Variants in HSPG2 observed in about 807,000 individuals in gnomAD.
HSPG2 encodes heparan sulfate proteoglycan 2, also known as basement membrane-specific heparan sulfate proteoglycan core protein.
Under a neutral mutation model 526.6 loss-of-function variants are expected in HSPG2, and 278 were observed. That is an observed-to-expected ratio of 0.53 (90% CI 0.48 to 0.58). The LOEUF (loss-of-function observed/expected upper bound fraction) is 0.58. HSPG2 is among the 20% of genes least tolerant of loss of function. The probability of loss-of-function intolerance (pLI) is 0.00; values close to 1 mark genes in which losing one functional copy is unlikely to be tolerated. For synonymous variants in HSPG2, 2,465 were observed against 2,555.4 expected (o/e 0.96, Z 1.07); for missense variants, 5,354 against 6,099.5 (o/e 0.88, Z 4.07).
At chr1:21,846,029 C>G in intron 64 of HSPG2, 79 bp downstream of exon 64, 1 of 1,539,426 alleles carries the variant, frequency 6.5e-7, no homozygotes, top group Non-Finnish European at 9.0e-7. Context: ...GAAAGTGTTT[C>G]CTTCTGCCAG....
In HSPG2 at chr1:21,831,491, G is replaced by A; in HGVS notation, c.11424C>T (p.Pro3808=). The change falls in exon 83 of 97, where the codon CCC becomes CCT. Residue 3808 remains proline, a synonymous_variant. Coordinates refer to ENST00000374695, the MANE Select transcript of HSPG2 (RefSeq NM_005529.7). ...LGGYPDYGAI[P]KAGLSSGFIG... ...TGAAGCCGCTGCTCAGCCCCGCCTT[G>A]GGGATGGCACCATAGTCAGGATAGC... 1 of 1,614,076 alleles carries A rather than the reference G, an allele frequency of 6.2e-7. No individual in the cohort carries two copies. The highest frequency in any genetic ancestry group is 1.3e-5 in the African/African-American group (1 of 75,040).
intron 6 of HSPG2, 128 bp from the exon 7 acceptor site, chr1:21,888,194 A>T: frequency 8.1e-7 from 1 of 1,241,344 alleles, no homozygotes; most frequent in African/African-American, 1.5e-5. Flanking sequence ...TGGCAGGCAC[A>T]ACGAGGGCAA....
In HSPG2 at chr1:21,832,254, C is replaced by CATGA. The variant is rs527580898; in HGVS notation, c.11207+237_11207+240dup. Among the ~76,000 whole-genome samples, 126 of 149,002 alleles carry CATGA rather than the reference C, an allele frequency of 8.5e-4. 2 individuals carry two copies. The highest frequency in any genetic ancestry group is 7.3e-3 in the South Asian group (35 of 4,822). On this transcript the variant is annotated intron_variant, in intron 81 of 96. Transcript: ENST00000374695. Reference sequence around the variant, plus strand: ...TCAGCAAATAACTGATGCATGCATGCATGAATGAATGAATGAATGAATGAA... The same window carrying CATGA: ...TCAGCAAATAACTGATGCATGCATGCATGAATGAATGAATGAATGAATGAATGAA...
intron 1 of HSPG2, among the ~76,000 whole-genome samples, chr1:21,911,079 T>C (rs761503301): frequency 6.6e-6 from 1 of 152,118 alleles, no homozygotes; most frequent in Non-Finnish European, 1.5e-5. Flanking sequence ...CACTAAGCTG[T>C]GTGACTTCAA....
At chr1:21,905,070 C>T (rs1444241914) in intron 1 of HSPG2, among the ~76,000 whole-genome samples, 1 of 152,076 alleles carries the variant, frequency 6.6e-6, no homozygotes, top group Non-Finnish European at 1.5e-5. Context: ...TCGGGTTAGG[C>T]CTTCCCACGA....
chr1:21,832,248 T>C (rs1040431813), intron 81 of HSPG2, among the ~76,000 whole-genome samples: 1 of 151,928 alleles, frequency 6.6e-6, no homozygotes, highest in Non-Finnish European at 1.5e-5. Context: ...AACTGATGCA[T>C]GCATGCATGA....
At position 21,853,046 on chromosome 1, in the gene HSPG2, C is replaced by T. The variant is rs575744546; in HGVS notation, c.6464G>A (p.Arg2155His). The part of the protein sequence containing the change: ...TPVPGSTRPI[R>H]IEPSSSHVAE... ...CACGTGTGAGGAGGAGGGCTCGATG[C>T]GGATGGGCCGGGTGCTGCCGGGCAC... is the stretch of plus-strand genomic sequence containing the variant. Residue 2155 changes from arginine to histidine, a missense_variant, in exon 51 of 97, where the codon CGC (arginine) becomes CAC (histidine). By Grantham distance (29) the Arg-to-His change is conservative (BLOSUM62 0). Coordinates refer to ENST00000374695, the MANE Select transcript of HSPG2 (RefSeq NM_005529.7). The T allele has an allele frequency of 2.0e-5, 33 of 1,613,892 alleles. No individual in the cohort carries two copies. In the East Asian group the frequency reaches 6.0e-4, roughly 29 times the overall value.
At chr1:21,856,036 A>G in intron 44 of HSPG2, 124 bp from the exon 45 acceptor site, 1 of 1,310,846 alleles carries the variant, frequency 7.6e-7, no homozygotes, top group Non-Finnish European at 1.0e-6. Flanking sequence ...TGCACACAGG[A>G]GCCAGAGGGA....
At chr1:21,908,073 C>T (rs1050869868) in intron 1 of HSPG2, 8 of 757,380 alleles carry the variant, frequency 1.1e-5, no homozygotes, top group East Asian at 2.5e-5. Context: ...CGGCCGGAAC[C>T]GCCATCTTCC....
In HSPG2 at chr1:21,850,461, G is replaced by T; in HGVS notation, c.7196C>A (p.Pro2399His). ...GCACACGTACTCGCCCGAGTCGGCG[G>T]GGGACGCTTGGTAGAGTCTCAGCAG... is the stretch of plus-strand genomic sequence containing the variant. ...GSLLRLYQAS[P>H]ADSGEYVCRV... The change falls in exon 56 of 97, where the codon CCC becomes CAC. Residue 2399 changes from proline to histidine, a missense_variant. Transcript: ENST00000374695. 6.2e-7 allele frequency: 1 copy of T among 1,612,222 alleles called. No individual in the cohort carries two copies.
Position 21,823,329 on chromosome 1 carries a change from G to A in HSPG2, c.13163C>T (p.Pro4388Leu), listed in dbSNP as rs774279128. 2 of 1,539,768 alleles carry A rather than the reference G, an allele frequency of 1.3e-6. No individual in the cohort carries two copies. Among genetic ancestry groups the A allele is most frequent in the Admixed American group, 2.0e-5 (1 of 51,124 alleles). The change falls in exon 97 of 97, where the codon CCC becomes CTC. Residue 4388 changes from proline to leucine, a missense_variant. Physicochemically the swap from Pro to Leu is moderately conservative, Grantham distance 98. Coordinates refer to ENST00000374695, the MANE Select transcript of HSPG2 (RefSeq NM_005529.7). ...GCAGGCAGGTGCCTACGAGGGGCAG[G>A]GGCGTGTGTTGGCCCCGGCCTGGGC... is the stretch of plus-strand genomic sequence containing the variant. ...HRAQAGANTR[P>L]CPS is the part of the protein sequence containing the mutation.
chr1:21,833,863 G>C lies in HSPG2; in HGVS notation c.10783C>G (p.Pro3595Ala). 6.2e-7 allele frequency: 1 copy of C among 1,605,210 alleles called. No individual in the cohort carries two copies. The change falls in exon 78 of 97, where the codon CCC becomes GCC. Residue 3595 changes from proline (P) to alanine (A), a missense_variant. Physicochemically the swap from Pro to Ala is conservative, Grantham distance 27. Coordinates refer to ENST00000374695, the MANE Select transcript of HSPG2 (RefSeq NM_005529.7). ...RVPAGSAAVF[P>A]CIASGYPTPD... ...GTGGGGTAGCCTGAGGCTATGCAGG[G>C]GAAGACAGCTGCAGAACCAGCAGGC... is the stretch of plus-strand genomic sequence containing the variant.
Position 21,884,272 on chromosome 1 carries a change from T to C in HSPG2, c.1654+256A>G, listed in dbSNP as rs71636997. ...GGTGGACAGCGTCCACGTCAGGATC[T>C]GAAGCTGGAAGCTGGCTCCAGGGCC... On this transcript the variant is annotated intron_variant, in intron 13 of 96. Coordinates refer to ENST00000374695, the MANE Select transcript of HSPG2 (RefSeq NM_005529.7). Among the ~76,000 whole-genome samples the C allele has an allele frequency of 0.011, 1,732 of 152,272 alleles. 21 individuals carry two copies. The highest frequency in any genetic ancestry group is 0.023 in the South Asian group (109 of 4,828).
In HSPG2 at chr1:21,874,916, G is replaced by A. The variant is rs770710046; in HGVS notation, c.3389C>T (p.Pro1130Leu). The change falls in exon 26 of 97, where the codon CCC becomes CTC. Residue 1130 changes from proline (P) to leucine (L), a missense_variant. Physicochemically the swap from Pro to Leu is moderately conservative, Grantham distance 98. Transcript: ENST00000374695. The stretch of plus-strand genomic sequence containing the variant: ...CTGGCAGGACGGCCCACGGTACCCG[G>A]GTGGGCAGGAGCACTGTTCCACTTC... ...ALEVEQCSCP[P>L]GYRGPSCQDC... 6.2e-7 allele frequency: 1 copy of A among 1,612,628 alleles called. No individual in the cohort carries two copies. The highest frequency in any genetic ancestry group is 1.1e-5 in the South Asian group (1 of 90,830).
chr1:21,913,029 CT>C, intron 1 of HSPG2, among the ~76,000 whole-genome samples: 1 of 151,612 alleles, frequency 6.6e-6, no homozygotes, highest in East Asian at 1.9e-4. Context: ...AAGAATGGTG[CT>C]TTTGGGCAGC....
At position 21,845,589 on chromosome 1, in the gene HSPG2, A is replaced by G. The variant is rs186643600; in HGVS notation, c.8464+519T>C. On this transcript the variant is annotated intron_variant, in intron 64 of 96. Transcript: ENST00000374695. ...GAGATGGGGTTTCACCATGTTACCC[A>G]GACTGGTCTCGAACTCATGAGCTCA... Among the ~76,000 whole-genome samples, 27 of 152,254 alleles carry G rather than the reference A, an allele frequency of 1.8e-4. No individual in the cohort carries two copies. In the East Asian group the frequency reaches 3.3e-3, roughly 18 times the overall value.
intron 1 of HSPG2, among the ~76,000 whole-genome samples, chr1:21,912,495 G>GA (rs543185065): frequency 1.8e-3 from 279 of 152,242 alleles, no homozygotes; most frequent in African/African-American, 6.4e-3. Flanking sequence ...AGCTGGGAGG[G>GA]ATCACCTAGC....
chr1:21,889,499 C>T (rs915068158), intron 6 of HSPG2, among the ~76,000 whole-genome samples: 9 of 152,198 alleles, frequency 5.9e-5, no homozygotes, highest in African/African-American at 1.4e-4. Context: ...TTGAAATCCT[C>T]GCCTTTTCAC....
chr1:21,908,085 G>C lies in HSPG2; in HGVS notation c.64-11775C>G, dbSNP rs540218964. 7.3e-5 allele frequency: 56 copies of C among 771,754 alleles called. No individual in the cohort carries two copies. In the East Asian group the frequency reaches 1.3e-3, roughly 18 times the overall value. The allele number at this position is 771,754 out of a possible 1,614,324, so 47.8% of individuals were successfully genotyped here. On this transcript the variant is annotated intron_variant, in intron 1 of 96. Transcript: ENST00000374695. ...TTTCGGCCGGAACCGCCATCTTCCA[G>C]TAATTCGCCAAAATGACGAACACAA...
Sources: gnomAD v4.1 joint callset for allele counts (sites outside exome capture counted in the v4.1 genomes callset) on GRCh38, gnomAD v4.1.1 for gene constraint, MANE v1.5 for transcripts, NCBI Gene and HGNC (gene_info 2026-07-23, HGNC 2026-07-21) for gene names.